The following ADGRB3 variants were observed in gnomAD, a reference collection of about 807,000 sequenced individuals.
The protein encoded by ADGRB3 is brain-specific angiogenesis inhibitor 3.
In ADGRB3, 37 loss-of-function variants were observed where a neutral mutation model predicts 193.4. That is an observed-to-expected ratio of 0.19 (90% CI 0.15 to 0.25). The LOEUF (loss-of-function observed/expected upper bound fraction) is 0.25. ADGRB3 is among the 10% of genes least tolerant of loss of function. ADGRB3 has a pLI of 1.00. For synonymous variants in ADGRB3, 690 were observed against 644.2 expected, an observed-to-expected ratio of 1.07 and a Z score of -1.08; for missense variants, 1,637 against 1,852.9, an observed-to-expected ratio of 0.88 and a Z score of 2.14.
chr6:69,191,077 A>G (rs1316472918), intron 17 of ADGRB3, among the ~76,000 whole-genome samples: 2 of 152,194 alleles, frequency 1.3e-5, no homozygotes, highest in African/African-American at 4.8e-5. Flanking sequence ...TGAGTTTACA[A>G]AATGCTTTCA....
chr6:68,863,890 A>C (rs1765222952), intron 3 of ADGRB3, among the ~76,000 whole-genome samples: 2 of 152,180 alleles, frequency 1.3e-5, no homozygotes, highest in South Asian at 4.1e-4. Flanking sequence ...TTTGTGGGAT[A>C]AAGCGATAAG....
intron 3 of ADGRB3, among the ~76,000 whole-genome samples, chr6:68,651,284 G>A (rs1228816471): frequency 6.6e-6 from 1 of 152,120 alleles, no homozygotes; most frequent in Non-Finnish European, 1.5e-5. Context: ...AACAGGCTTT[G>A]CTTTCAAATG....
At chr6:69,386,474 C>A (rs1770073999) in intron 31 of ADGRB3, among the ~76,000 whole-genome samples, 1 of 152,042 alleles carries the variant, frequency 6.6e-6, no homozygotes, top group South Asian at 2.1e-4. Context: ...AACCAGTGAG[C>A]CTTTCAGTTG....
chr6:69,241,161 A>G lies in ADGRB3; in HGVS notation c.2814+1935A>G, dbSNP rs544565710. ...GACATTTCTACAAGGTGTACTTCAC[A>G]TCATAGTGGTTATGCTCTAAATCAC... On this transcript the variant is annotated intron_variant, in intron 20 of 31. Transcript: ENST00000370598. Among the ~76,000 whole-genome samples the G allele has an allele frequency of 9.9e-5, 15 of 152,086 alleles. No homozygotes were observed. The South Asian group carries it at 3.1e-3, about 32-fold the overall frequency.
intron 3 of ADGRB3, among the ~76,000 whole-genome samples, chr6:68,877,741 G>A (rs1225132458): frequency 2.0e-5 from 3 of 152,064 alleles, no homozygotes; most frequent in South Asian, 4.1e-4. Flanking sequence ...GAAAGGGCAA[G>A]TACAATATAA....
intron 3 of ADGRB3, among the ~76,000 whole-genome samples, chr6:68,679,304 T>C (rs1415945340): frequency 6.6e-6 from 1 of 152,202 alleles, no homozygotes; most frequent in Admixed American, 6.5e-5. Flanking sequence ...GGGTGGCTTT[T>C]CTTCATTGGG....
intron 3 of ADGRB3, among the ~76,000 whole-genome samples, chr6:68,731,448 C>T (rs1048219869): frequency 7.3e-5 from 11 of 151,266 alleles, no homozygotes; most frequent in South Asian, 4.1e-4. Context: ...CAAAAAAGCC[C>T]GTAGTTTCAA....
rs73480142 is a variant in ADGRB3, at chr6:68,933,102, T to C, written c.868+2433T>C. On this transcript the variant is annotated intron_variant, in intron 4 of 31. Transcript: ENST00000370598. ...AGGAATATAAAATTAAATGATATCA[T>C]ATAATATATATATTTAATATAGACA... Among the ~76,000 whole-genome samples, 1,218 of 150,716 alleles carry C rather than the reference T, an allele frequency of 8.1e-3. 11 individuals are homozygous for C. The highest frequency in any genetic ancestry group is 0.025 in the African/African-American group (1,047 of 41,340).
intron 3 of ADGRB3, among the ~76,000 whole-genome samples, chr6:68,796,158 A>C (rs1767202987): frequency 6.6e-6 from 1 of 152,136 alleles, no homozygotes; most frequent in Admixed American, 6.5e-5. Flanking sequence ...CATCACAGAA[A>C]TGTATTGAAT....
chr6:68,778,144 A>G (rs764217781), intron 3 of ADGRB3, among the ~76,000 whole-genome samples: 3 of 152,058 alleles, frequency 2.0e-5, no homozygotes, highest in Non-Finnish European at 4.4e-5. Flanking sequence ...TCTGCCAGCA[A>G]ATGACATTGT....
chr6:68,726,412 A>G (rs1404482352), intron 3 of ADGRB3, among the ~76,000 whole-genome samples: 3 of 151,612 alleles, frequency 2.0e-5, no homozygotes. Context: ...CTGATATGTT[A>G]TCCATTACTC....
At chr6:68,721,067 G>C (rs557903115) in intron 3 of ADGRB3, among the ~76,000 whole-genome samples, 5,375 of 151,898 alleles carry the variant, frequency 0.035, 299 homozygotes, top group African/African-American at 0.12. Context: ...AGACAGTGTG[G>C]CGATTCCTCA....
intron 21 of ADGRB3, among the ~76,000 whole-genome samples, chr6:69,327,335 A>T (rs994563952): frequency 6.6e-6 from 1 of 152,166 alleles, no homozygotes; most frequent in African/African-American, 2.4e-5. Flanking sequence ...TAAGCAAATT[A>T]TAAAGAAAGT....
intron 3 of ADGRB3, among the ~76,000 whole-genome samples, chr6:68,844,090 C>T (rs545273079): frequency 6.6e-6 from 1 of 152,200 alleles, no homozygotes; most frequent in East Asian, 1.9e-4. Flanking sequence ...ATTGGGGAAA[C>T]CCTCTGGGAC....
intron 3 of ADGRB3, among the ~76,000 whole-genome samples, chr6:68,792,211 C>G (rs1469580761): frequency 2.0e-5 from 3 of 152,166 alleles, no homozygotes; most frequent in African/African-American, 7.2e-5. Context: ...TTCTGCAATT[C>G]ATAAAGAAGT....
At chr6:69,019,842 C>T (rs922353050) in intron 13 of ADGRB3, among the ~76,000 whole-genome samples, 2 of 151,908 alleles carry the variant, frequency 1.3e-5, no homozygotes, top group African/African-American at 4.8e-5. Context: ...AAGATGGTAT[C>T]TTTGTTGAAC....
intron 17 of ADGRB3, among the ~76,000 whole-genome samples, chr6:69,225,163 A>G (rs1454973171): frequency 6.6e-6 from 1 of 151,896 alleles, no homozygotes; most frequent in Middle Eastern, 3.4e-3. Context: ...TTGTTGATAA[A>G]CTCTTTGATA....
intron 11 of ADGRB3, among the ~76,000 whole-genome samples, chr6:68,997,488 C>CAAAAAA (rs748557247): frequency 1.7e-4 from 9 of 52,172 alleles, no homozygotes; most frequent in Non-Finnish European, 2.7e-4. Context: ...ACTAAAAATA[C>CAAAAAA]AAAAAAAAAA....
intron 3 of ADGRB3, among the ~76,000 whole-genome samples, chr6:68,722,846 T>C (rs1662176163): frequency 6.6e-6 from 1 of 151,632 alleles, no homozygotes; most frequent in Non-Finnish European, 1.5e-5. Context: ...TTATATAGGG[T>C]AATGTTCATT....
Sources: allele counts gnomAD v4.1 joint callset (sites outside exome capture counted in the v4.1 genomes callset), GRCh38; gene constraint gnomAD v4.1.1; transcripts MANE v1.5; gene names NCBI Gene and HGNC (gene_info 2026-07-23, HGNC 2026-07-21).